The following PNPLA6 variants were observed in gnomAD, a reference collection of about 807,000 sequenced individuals.
PNPLA6 encodes patatin like domain 6, lysophospholipase.
PNPLA6 carries 105 observed loss-of-function variants against 153.7 expected under a neutral mutation model. That is an observed-to-expected ratio of 0.68 (90% CI 0.58 to 0.80). PNPLA6 has a LOEUF of 0.80. Among genes scored for constraint, PNPLA6 ranks in the 30% least tolerant of loss-of-function variants. The pLI is 0.00. For missense variants in PNPLA6, 1,423 were observed against 1,919.3 expected (o/e 0.74, Z 4.83); for synonymous variants, 825 against 822.2 (o/e 1.00, Z -0.06).
rs2146086386 is a variant in PNPLA6, at chr19:7,549,903, A to C, written c.1609-4A>C. 1.9e-6 allele frequency: 3 copies of C among 1,613,334 alleles called. No individual in the cohort carries two copies. The highest frequency in any genetic ancestry group is 2.5e-6 in the Non-Finnish European group (3 of 1,180,018). On this transcript the variant is annotated splice_polypyrimidine_tract_variant and splice_region_variant and intron_variant, in intron 13 of 31. Transcript: ENST00000600737. ...TGTGTTCATCACATCCCCTGCCCGC[A>C]CAGGACGTGAGCCTGCACTTCGTGC...
At chr19:7,560,494 A>G in intron 28 of PNPLA6, 154 bp from the exon 29 acceptor site, 1 of 699,948 alleles carries the variant, frequency 1.4e-6, no homozygotes, top group Non-Finnish European at 2.6e-6. Context: ...TGTGTAGGCG[A>G]GTGTGCTATG....
chr19:7,557,211 C>T lies in PNPLA6; in HGVS notation c.3324C>T (p.Gly1108=). 6.2e-7 allele frequency: 1 copy of T among 1,613,558 alleles called. No homozygotes were observed. The highest frequency in any genetic ancestry group is 8.5e-7 in the Non-Finnish European group (1 of 1,179,898). ...RYVRASMTLS[G]YLPPLCDPKD... The stretch of plus-strand genomic sequence containing the variant: ...TGCGCGCCAGCATGACGCTGTCGGG[C>T]TACCTGCCCCCGCTGTGCGACCCCA... Residue 1108 remains glycine (G), a synonymous_variant, in exon 27 of 32, where the codon GGC becomes GGT. Coordinates refer to ENST00000600737, the MANE Select transcript of PNPLA6 (RefSeq NM_001166114.2).
intron 14 of PNPLA6, 61 bp downstream of exon 14, chr19:7,550,173 G>A: frequency 6.2e-7 from 1 of 1,608,262 alleles, no homozygotes; most frequent in Non-Finnish European, 8.5e-7. Context: ...CGTGGGAGTG[G>A]CCAGAACCCC....
In PNPLA6 at chr19:7,540,895, T is replaced by C. The variant is rs763843301; in HGVS notation, c.796-28T>C. 6.2e-7 allele frequency: 1 copy of C among 1,612,900 alleles called. No homozygotes were observed. Among genetic ancestry groups the C allele is most frequent in the Non-Finnish European group, 8.5e-7 (1 of 1,179,862 alleles). The stretch of plus-strand genomic sequence containing the variant: ...GGGGGACTCGCAGCCTCTGCCCTTG[T>C]CTCTCTTCACGCCCTCCCCTCCCCC... On this transcript the variant is annotated intron_variant, in intron 6 of 31. Transcript: ENST00000600737. This position sits in a 1 kb window ranked among gnomAD's most constrained non-coding sequence, Gnocchi z 6.8.
At chr19:7,550,721 T>G (rs948878214) in intron 16 of PNPLA6, 81 bp downstream of exon 16, 34 of 1,522,242 alleles carry the variant, frequency 2.2e-5, no homozygotes, top group Non-Finnish European at 2.6e-5. Flanking sequence ...TCCCGGGTAA[T>G]CCAGGGAGTG....
At chr19:7,543,385 A>C (rs538891060) in intron 13 of PNPLA6, among the ~76,000 whole-genome samples, 17 of 152,178 alleles carry the variant, frequency 1.1e-4, no homozygotes, top group African/African-American at 3.9e-4. Context: ...CTGTTTTCTG[A>C]ACTTCTGATC....
chr19:7,535,360 G>A (rs2146035098), upstream of PNPLA6: 2 of 684,194 alleles, frequency 2.9e-6, no homozygotes, highest in Middle Eastern at 2.4e-4. This position sits in a 1 kb window ranked among gnomAD's most constrained non-coding sequence, Gnocchi z 5.0. Flanking sequence ...GTCCCGCAGC[G>A]CCCCTCTAGC....
At chr19:7,552,443 G>T (rs1031073890) in intron 18 of PNPLA6, among the ~76,000 whole-genome samples, 5 of 152,178 alleles carry the variant, frequency 3.3e-5, no homozygotes, top group Non-Finnish European at 7.3e-5. Context: ...GGGCGGTAGT[G>T]GCAGAAAAGA....
Position 7,540,193 on chromosome 19 carries a change from G to T in PNPLA6, c.599G>T (p.Arg200Leu). ...AAGCCACTCTTCCTGGAGCTCTGCC[G>T]CCACATGGTCTTCCAGCGGCTGGGC... Reference protein sequence around the residue: ...FEKPLFLELCRHMVFQRLGQG... With the variant: ...FEKPLFLELCLHMVFQRLGQG... The change falls in exon 5 of 32, where the codon CGC becomes CTC. Residue 200 changes from arginine (R) to leucine (L), a missense_variant. Arg to Leu is a moderately radical substitution (Grantham distance 102). Around this residue, in one of 10 missense-constraint regions of PNPLA6, gnomAD observed 74 missense variants for 171.3 expected, o/e 0.43. Transcript: ENST00000600737. This position sits in a 1 kb window ranked among gnomAD's most constrained non-coding sequence, Gnocchi z 6.8. The T allele has an allele frequency of 6.2e-7, 1 of 1,610,736 alleles. No individual in the cohort carries two copies.
intron 13 of PNPLA6, among the ~76,000 whole-genome samples, chr19:7,548,801 C>CT (rs1159787936): frequency 0.052 from 3,481 of 67,196 alleles, 202 homozygotes; most frequent in African/African-American, 0.15. Flanking sequence ...AAAAATTTTT[C>CT]TTTTTTTTTT....
chr19:7,534,242 G>A (rs1047898563), upstream of PNPLA6: 4 of 314,592 alleles, frequency 1.3e-5, no homozygotes, highest in African/African-American at 6.5e-5. Flanking sequence ...GCCCCTGGGT[G>A]AGTCTGGGTT....
intron 21 of PNPLA6, 81 bp downstream of exon 21, chr19:7,554,804 C>A (rs1243159021): frequency 1.3e-6 from 2 of 1,586,926 alleles, no homozygotes; most frequent in East Asian, 2.3e-5. Flanking sequence ...GCCACGTGCA[C>A]CCTCGCCATG....
At chr19:7,561,396 G>A (rs577331849) in intron 31 of PNPLA6, 79 bp downstream of exon 31, 193 of 1,426,312 alleles carry the variant, frequency 1.4e-4, no homozygotes, top group East Asian at 3.5e-4. Context: ...AGCCGGGGGC[G>A]TATTTGAGAT....
chr19:7,540,431 C>A lies in PNPLA6; in HGVS notation c.714+123C>A. 8.4e-7 allele frequency: 1 copy of A among 1,195,446 alleles called. No homozygotes were observed. The highest frequency in any genetic ancestry group is 1.2e-6 in the Non-Finnish European group (1 of 846,892). The allele number at this position is 1,195,446 out of a possible 1,614,324, so 74.1% of individuals were successfully genotyped here. A position where few individuals can be genotyped will look rare whatever the true frequency, so the allele number is the denominator to read the frequency against. On this transcript the variant is annotated intron_variant, in intron 5 of 31. Coordinates refer to ENST00000600737, the MANE Select transcript of PNPLA6 (RefSeq NM_001166114.2). The surrounding 1 kb of genome is among the most constrained non-coding windows in gnomAD (Gnocchi z 6.8). Reference sequence around the variant, plus strand: ...ATCGGGAGTCAGGGGAACGGGTGACCGAGGACATTTGGGGTAGTCTGCGTA... The same window carrying A: ...ATCGGGAGTCAGGGGAACGGGTGACAGAGGACATTTGGGGTAGTCTGCGTA...
intron 17 of PNPLA6, 23 bp downstream of exon 17, chr19:7,551,130 C>A (rs1435995179): frequency 3.0e-6 from 4 of 1,324,334 alleles, no homozygotes; most frequent in Non-Finnish European, 4.2e-6. Flanking sequence ...GTGGGCGGGG[C>A]AGAGAGGCGG....
At chr19:7,560,180 A>T (rs494320) in intron 28 of PNPLA6, among the ~76,000 whole-genome samples, 293 of 152,236 alleles carry the variant, frequency 1.9e-3, no homozygotes, top group Middle Eastern at 6.8e-3. Context: ...GATAAAAATA[A>T]TAAAAATTTT....
At position 7,555,877 on chromosome 19, in the gene PNPLA6, A is replaced by C; in HGVS notation, c.3093+114A>C. The C allele has an allele frequency of 8.9e-7, 1 of 1,118,010 alleles. No individual in the cohort carries two copies. The highest frequency in any genetic ancestry group is 1.3e-6 in the Non-Finnish European group (1 of 754,506). 69.3% of individuals were successfully genotyped at this position (1,118,010 alleles called of 1,614,324 possible). On this transcript the variant is annotated intron_variant, in intron 24 of 31. Coordinates refer to ENST00000600737, the MANE Select transcript of PNPLA6 (RefSeq NM_001166114.2). The surrounding 1 kb of genome is among the most constrained non-coding windows in gnomAD (Gnocchi z 6.3). Reference sequence around the variant, plus strand: ...GGGGTCAGGGTGACCCTTCCTGATTAAATCTATGATCCCCAGCTGTCCGGA... The same window carrying C: ...GGGGTCAGGGTGACCCTTCCTGATTCAATCTATGATCCCCAGCTGTCCGGA...
chr19:7,557,317 A>G (rs773829034), intron 27 of PNPLA6, 33 bp downstream of exon 27: 1 of 1,316,422 alleles, frequency 7.6e-7, no homozygotes, highest in Non-Finnish European at 1.1e-6. Context: ...CGCACACGCA[A>G]GCACCTCCCG....
chr19:7,555,488 C>A lies in PNPLA6; in HGVS notation c.2937-119C>A. 4.4e-6 allele frequency: 6 copies of A among 1,375,952 alleles called. No homozygotes were observed. The highest frequency in any genetic ancestry group is 2.6e-5 in the South Asian group (2 of 77,910). 85.2% of individuals were successfully genotyped at this position (1,375,952 alleles called of 1,614,324 possible). A position where few individuals can be genotyped will look rare whatever the true frequency, so the allele number is the denominator to read the frequency against. On this transcript the variant is annotated intron_variant, in intron 23 of 31. Transcript: ENST00000600737. This position sits in a 1 kb window ranked among gnomAD's most constrained non-coding sequence, Gnocchi z 6.3. ...GGTGGAGCTTCCCCTCCGGGAGAGA[C>A]CCCGTGGGTAGGGGCGGGTCCTTTG...
Sources: allele counts gnomAD v4.1 joint callset (sites outside exome capture counted in the v4.1 genomes callset), GRCh38; gene constraint gnomAD v4.1.1; regional missense constraint gnomAD v4.1.1; non-coding constraint Gnocchi (gnomAD v3.1); transcripts MANE v1.5; gene names NCBI Gene and HGNC (gene_info 2026-07-23, HGNC 2026-07-21).